DNM3: variants seen among roughly 807,000 people sequenced by gnomAD.
DNM3 encodes dynamin 3, also known as dynamin-3.
In DNM3, 47 loss-of-function variants were observed where a neutral mutation model predicts 101.6. That is an observed-to-expected ratio of 0.46 (90% CI 0.37 to 0.59). The LOEUF (loss-of-function observed/expected upper bound fraction) is 0.59, where lower values mean the gene tolerates loss of function less well. Ranked by LOEUF, DNM3 falls within the 20% of genes least tolerant of loss-of-function variation. The pLI, the probability that DNM3 is intolerant of heterozygous loss-of-function variation, is 0.00. For synonymous variants in DNM3, 385 were observed against 387.9 expected, an observed-to-expected ratio of 0.99 and a Z score of 0.09; for missense variants, 849 against 1,085.7, an observed-to-expected ratio of 0.78 and a Z score of 3.06.
intron 20 of DNM3, among the ~76,000 whole-genome samples, chr1:172,392,831 G>A (rs1026581756): frequency 3.0e-4 from 46 of 152,152 alleles, no homozygotes; most frequent in African/African-American, 1.1e-3. Flanking sequence ...CACCAAGTAT[G>A]ATGGTTTCTC....
intron 11 of DNM3, among the ~76,000 whole-genome samples, chr1:172,074,472 C>T (rs1431575572): frequency 6.6e-6 from 1 of 152,084 alleles, no homozygotes; most frequent in Non-Finnish European, 1.5e-5. Context: ...CCTAGCCCCC[C>T]ACCCCCACAA....
chr1:172,339,157 G>GA (rs2066579399), intron 17 of DNM3: 2 of 385,470 alleles, frequency 5.2e-6, no homozygotes, highest in Admixed American at 6.9e-5. Context: ...TGTGTAAAAA[G>GA]CTTTTCCTCT....
At chr1:172,361,263 T>A (rs1007707070) in intron 17 of DNM3, among the ~76,000 whole-genome samples, 6 of 152,004 alleles carry the variant, frequency 3.9e-5, no homozygotes, top group Non-Finnish European at 7.4e-5. Context: ...CCTTTCCCGT[T>A]CAACCATTTG....
At chr1:172,136,102 A>G (rs2057212359) in intron 14 of DNM3, among the ~76,000 whole-genome samples, 1 of 152,124 alleles carries the variant, frequency 6.6e-6, no homozygotes, top group South Asian at 2.1e-4. Context: ...GGAAAACCCA[A>G]CATCTGCATT....
intron 2 of DNM3, among the ~76,000 whole-genome samples, chr1:171,973,089 A>G (rs1178285883): frequency 6.6e-6 from 1 of 152,212 alleles, no homozygotes; most frequent in African/African-American, 2.4e-5. Flanking sequence ...TATGATTCCT[A>G]TATTTTGGGA....
intron 14 of DNM3, among the ~76,000 whole-genome samples, chr1:172,181,833 G>T (rs1162944846): frequency 6.6e-6 from 1 of 150,762 alleles, no homozygotes; most frequent in Non-Finnish European, 1.5e-5. Flanking sequence ...AAATAAACTG[G>T]GGTTATTTGA....
intron 17 of DNM3, among the ~76,000 whole-genome samples, chr1:172,361,582 T>C (rs2067742907): frequency 6.6e-6 from 1 of 151,948 alleles, no homozygotes; most frequent in African/African-American, 2.4e-5. Flanking sequence ...CCCAGACCAA[T>C]TAAATCATAA....
At chr1:172,113,197 A>G (rs1221298832) in intron 13 of DNM3, among the ~76,000 whole-genome samples, 2 of 152,016 alleles carry the variant, frequency 1.3e-5, no homozygotes, top group Admixed American at 6.6e-5. Context: ...CAGAAAATAA[A>G]CTCCAAGAAT....
intron 15 of DNM3, among the ~76,000 whole-genome samples, chr1:172,284,671 T>C (rs1210931125): frequency 6.6e-6 from 1 of 152,222 alleles, no homozygotes; most frequent in Admixed American, 6.5e-5. Context: ...CCTTCCATTT[T>C]CTTCTACAGA....
chr1:172,407,321 GA>G (rs1156509604), intron 20 of DNM3, among the ~76,000 whole-genome samples: 1 of 151,862 alleles, frequency 6.6e-6, no homozygotes, highest in Non-Finnish European at 1.5e-5. Flanking sequence ...ACAAATTGGA[GA>G]AAGTCAAAAA....
At chr1:172,241,983 A>T (rs2061765844) in intron 14 of DNM3, among the ~76,000 whole-genome samples, 1 of 152,170 alleles carries the variant, frequency 6.6e-6, no homozygotes, top group African/African-American at 2.4e-5. Context: ...CACTCCAGTT[A>T]AGAGCCTTGA....
chr1:171,910,708 G>A (rs765789226), intron 1 of DNM3, among the ~76,000 whole-genome samples: 1 of 152,186 alleles, frequency 6.6e-6, no homozygotes, highest in Non-Finnish European at 1.5e-5. Context: ...TGATAGTAAT[G>A]ATGATGATAA....
chr1:172,106,906 C>T (rs1414101138), intron 13 of DNM3, among the ~76,000 whole-genome samples: 11 of 131,504 alleles, frequency 8.4e-5, no homozygotes, highest in South Asian at 2.4e-4. Context: ...CAGGCCGGAC[C>T]GCGGACTGCA....
intron 4 of DNM3, among the ~76,000 whole-genome samples, chr1:171,993,778 C>T (rs2045807138): frequency 6.6e-6 from 1 of 151,838 alleles, no homozygotes; most frequent in Non-Finnish European, 1.5e-5. Context: ...TTTCTTCATT[C>T]TTTCTTTTGT....
At chr1:172,283,168 A>T (rs894508443) in intron 15 of DNM3, among the ~76,000 whole-genome samples, 3 of 152,156 alleles carry the variant, frequency 2.0e-5, no homozygotes, top group Non-Finnish European at 2.9e-5. Flanking sequence ...CTAAAACGCC[A>T]GGGGCTCCAT....
At chr1:172,323,514 G>T (rs2065816887) in intron 17 of DNM3, among the ~76,000 whole-genome samples, 174 bp downstream of exon 17, 1 of 152,100 alleles carries the variant, frequency 6.6e-6, no homozygotes, top group African/African-American at 2.4e-5. Context: ...TACCATAATG[G>T]CTGTTCCGTT....
intron 4 of DNM3, among the ~76,000 whole-genome samples, chr1:172,029,333 GAAAGGCCTACA>G (rs2048434688): frequency 7.7e-6 from 1 of 129,058 alleles, no homozygotes; most frequent in African/African-American, 3.0e-5. Flanking sequence ...AATAGATGCA[GAAAGGCCTACA>G]AAATTCAACA....
In DNM3 at chr1:172,308,845, T is replaced by C; in HGVS notation, c.1881+6T>C. 1 of 1,530,264 alleles carries C rather than the reference T, an allele frequency of 6.5e-7. No individual in the cohort carries two copies. Among genetic ancestry groups the C allele is most frequent in the Non-Finnish European group, 9.0e-7 (1 of 1,109,302 alleles). 94.8% of individuals were successfully genotyped at this position (1,530,264 alleles called of 1,614,324 possible). A position where few individuals can be genotyped will look rare whatever the true frequency, so the allele number is the denominator to read the frequency against. On this transcript the variant is annotated splice_donor_region_variant and intron_variant, in intron 16 of 20. Coordinates refer to ENST00000627582, the MANE Select transcript of DNM3 (RefSeq NM_015569.5). ...TCTATCCTGACAAATCTGTAGTAAG[T>C]TGGATATATCTCTTATGTAAAAATT...
chr1:172,182,881 G>C (rs1478062214), intron 14 of DNM3, among the ~76,000 whole-genome samples: 1 of 152,100 alleles, frequency 6.6e-6, no homozygotes, highest in African/African-American at 2.4e-5. Flanking sequence ...AATAGTATCA[G>C]CACTTTATTT....
Sources: gnomAD v4.1 joint callset for allele counts (sites outside exome capture counted in the v4.1 genomes callset) on GRCh38, gnomAD v4.1.1 for gene constraint, MANE v1.5 for transcripts, NCBI Gene and HGNC (gene_info 2026-07-23, HGNC 2026-07-21) for gene names.